CXCL13: variants seen among roughly 807,000 people sequenced by gnomAD.
CXCL13 encodes the protein C-X-C motif chemokine ligand 13, also known as C-X-C motif chemokine 13.
In CXCL13, 7 loss-of-function variants were observed where a neutral mutation model predicts 12.2. The observed-to-expected ratio is 0.57, with a 90% CI of 0.33 to 1.07. The LOEUF is 1.07. Among genes scored for constraint, CXCL13 ranks in the 50% least tolerant of loss-of-function variants. The pLI is 0.04. For missense variants in CXCL13, 113 were observed against 127.4 expected (o/e 0.89, Z 0.55); for synonymous variants, 47 against 42.4 (o/e 1.11, Z -0.42).
At chr4:77,577,180 CA>C (rs1309743805) in intron 1 of CXCL13, among the ~76,000 whole-genome samples, 2 of 152,172 alleles carry the variant, frequency 1.3e-5, no homozygotes, top group African/African-American at 2.4e-5. Context: ...GAGGTAAGAG[CA>C]AGGAAGCTAA....
chr4:77,534,002 C>T (rs1178821682), intron 1 of CXCL13, among the ~76,000 whole-genome samples: 3 of 152,170 alleles, frequency 2.0e-5, no homozygotes, highest in Non-Finnish European at 4.4e-5. Context: ...AATGTGCTGC[C>T]CTGCTTTGGC....
In CXCL13 at chr4:77,611,477, G is replaced by A. The variant is rs919765589; in HGVS notation, c.*438G>A. The A allele has an allele frequency of 1.0e-5, 4 of 392,850 alleles. No homozygotes were observed. Among genetic ancestry groups the A allele is most frequent in the Admixed American group, 4.4e-5 (1 of 22,618 alleles). The allele number at this position is 392,850 out of a possible 1,614,324, so 24.3% of individuals were successfully genotyped here. A position where few individuals can be genotyped will look rare whatever the true frequency, so the allele number is the denominator to read the frequency against. On this transcript the variant is annotated 3_prime_UTR_variant, in exon 4 of 4. Coordinates refer to ENST00000682537, the MANE Select transcript of CXCL13 (RefSeq NM_001371558.1). ...TCAAAAAGCTGCCTGGGAGGCAGATGGAACTTGAGCCTGTCAAGAGGCAAA... is the reference window on the plus strand; with the variant it reads ...TCAAAAAGCTGCCTGGGAGGCAGATAGAACTTGAGCCTGTCAAGAGGCAAA...
At chr4:77,529,517 A>G (rs1724851726) in intron 1 of CXCL13, among the ~76,000 whole-genome samples, 1 of 152,146 alleles carries the variant, frequency 6.6e-6, no homozygotes, top group South Asian at 2.1e-4. Flanking sequence ...TTGGATTGCT[A>G]GGTATTTTAT....
chr4:77,568,951 C>T (rs1726002359), intron 1 of CXCL13, among the ~76,000 whole-genome samples: 1 of 152,124 alleles, frequency 6.6e-6, no homozygotes, highest in Admixed American at 6.5e-5. Flanking sequence ...GGGAAAATAG[C>T]TGGGTTCTTG....
At chr4:77,530,064 A>T (rs990941311) in intron 1 of CXCL13, among the ~76,000 whole-genome samples, 5 of 152,094 alleles carry the variant, frequency 3.3e-5, no homozygotes, top group African/African-American at 1.2e-4. Context: ...TTCTTTTTAT[A>T]TGCTGGATTA....
At chr4:77,527,441 G>A (rs1367096847) in intron 1 of CXCL13, among the ~76,000 whole-genome samples, 1 of 152,110 alleles carries the variant, frequency 6.6e-6, no homozygotes, top group African/African-American at 2.4e-5. Flanking sequence ...AGACCAGCCT[G>A]GGCAACATGG....
At chr4:77,588,372 G>C (rs927910009) in intron 1 of CXCL13, among the ~76,000 whole-genome samples, 8 of 152,126 alleles carry the variant, frequency 5.3e-5, no homozygotes, top group Non-Finnish European at 1.2e-4. Flanking sequence ...CGGGGAAGTT[G>C]ATTGGTCCTG....
intron 1 of CXCL13, among the ~76,000 whole-genome samples, chr4:77,566,994 G>T (rs145223742): frequency 6.6e-6 from 1 of 152,154 alleles, no homozygotes; most frequent in Non-Finnish European, 1.5e-5. Context: ...AAAATAGCCA[G>T]TTCCTGCCTT....
chr4:77,550,485 G>A (rs575113257), intron 1 of CXCL13, among the ~76,000 whole-genome samples: 6 of 152,284 alleles, frequency 3.9e-5, no homozygotes, highest in African/African-American at 1.4e-4. Flanking sequence ...CAGCCATCTG[G>A]GAACAATCCC....
chr4:77,580,284 T>A (rs1296604975), intron 1 of CXCL13, among the ~76,000 whole-genome samples: 1 of 147,166 alleles, frequency 6.8e-6, no homozygotes, highest in Non-Finnish European at 1.5e-5. Flanking sequence ...GAATATATAT[T>A]TTTTAAAAAG....
At chr4:77,527,827 G>A (rs894015827) in intron 1 of CXCL13, among the ~76,000 whole-genome samples, 6 of 151,656 alleles carry the variant, frequency 4.0e-5, no homozygotes, top group African/African-American at 9.7e-5. Context: ...TGTGCATAAC[G>A]TGCAGGTTAG....
At chr4:77,596,128 T>A (rs115600092) in intron 1 of CXCL13, among the ~76,000 whole-genome samples, 1 of 152,192 alleles carries the variant, frequency 6.6e-6, no homozygotes, top group African/African-American at 2.4e-5. Flanking sequence ...TAACAAGAAA[T>A]ACAATGGAAT....
upstream of CXCL13, among the ~76,000 whole-genome samples, chr4:77,603,567 A>G (rs933708656): frequency 2.0e-5 from 3 of 152,356 alleles, no homozygotes; most frequent in Non-Finnish European, 4.4e-5. Flanking sequence ...CAGGTTTCAA[A>G]AAGGTAAACC....
intron 1 of CXCL13, among the ~76,000 whole-genome samples, chr4:77,538,004 C>T (rs1447108987): frequency 5.3e-5 from 8 of 152,110 alleles, no homozygotes; most frequent in Non-Finnish European, 1.2e-4. Context: ...ATCTCTGCCC[C>T]CAGAGAGTAA....
intron 1 of CXCL13, among the ~76,000 whole-genome samples, chr4:77,541,435 G>A (rs967079066): frequency 2.6e-5 from 4 of 152,074 alleles, no homozygotes; most frequent in African/African-American, 7.2e-5. Context: ...CATATGGCTA[G>A]CCAGCTATCC....
At chr4:77,607,467 G>A (rs1299335858) in intron 1 of CXCL13, among the ~76,000 whole-genome samples, 1 of 152,146 alleles carries the variant, frequency 6.6e-6, no homozygotes, top group Non-Finnish European at 1.5e-5. Context: ...GATTACAGGT[G>A]TAAGCCACTG....
intron 1 of CXCL13, among the ~76,000 whole-genome samples, chr4:77,583,815 A>C (rs1726391912): frequency 6.6e-6 from 1 of 152,214 alleles, no homozygotes; most frequent in Non-Finnish European, 1.5e-5. Context: ...AAGGATAACC[A>C]TCGATCTATA....
At chr4:77,555,385 A>G (rs1725636228) in intron 1 of CXCL13, among the ~76,000 whole-genome samples, 1 of 152,108 alleles carries the variant, frequency 6.6e-6, no homozygotes, top group Non-Finnish European at 1.5e-5. Context: ...CACTGTATTT[A>G]TTAAAGAAAT....
intron 1 of CXCL13, among the ~76,000 whole-genome samples, chr4:77,525,350 A>T (rs1375579750): frequency 6.6e-6 from 1 of 152,190 alleles, no homozygotes; most frequent in Non-Finnish European, 1.5e-5. Context: ...GCTTTCTTCA[A>T]AGGAAGATTT....
Sources: gnomAD v4.1 joint callset for allele counts (sites outside exome capture counted in the v4.1 genomes callset) on GRCh38, gnomAD v4.1.1 for gene constraint, MANE v1.5 for transcripts, NCBI Gene and HGNC (gene_info 2026-07-23, HGNC 2026-07-21) for gene names.